ATRNL1: variants seen among roughly 807,000 people sequenced by gnomAD.
ATRNL1 encodes attractin-like protein 1.
A neutral mutation model predicts 182.7 loss-of-function variants in ATRNL1; 95 were observed. That is an observed-to-expected ratio of 0.52 (90% confidence interval 0.44 to 0.62). The LOEUF is 0.62. Among genes scored for constraint, ATRNL1 ranks in the 20% least tolerant of loss-of-function variants. The pLI, the probability that ATRNL1 is intolerant of heterozygous loss-of-function variation, is 0.00. For missense variants in ATRNL1, 1,471 were observed against 1,679.5 expected (o/e 0.88, Z 2.17); for synonymous variants, 576 against 568.3 (o/e 1.01, Z -0.19).
chr10:115,409,367 G>T (rs1845019529), intron 20 of ATRNL1, among the ~76,000 whole-genome samples: 1 of 151,910 alleles, frequency 6.6e-6, no homozygotes, highest in African/African-American at 2.4e-5. Flanking sequence ...CAGCTACTTT[G>T]TTGTTTGTAT....
At chr10:115,157,262 A>C (rs535416621) in intron 5 of ATRNL1, among the ~76,000 whole-genome samples, 50 of 152,178 alleles carry the variant, frequency 3.3e-4, no homozygotes, top group Non-Finnish European at 6.2e-4. Context: ...TCTTGCTTAG[A>C]TGTCCTTAAG....
chr10:115,149,527 G>A (rs782146584), intron 5 of ATRNL1, among the ~76,000 whole-genome samples: 3 of 151,960 alleles, frequency 2.0e-5, no homozygotes, highest in Admixed American at 6.6e-5. Context: ...TGCTTAGTTT[G>A]TTGAGAGTTT....
At chr10:115,411,036 T>C (rs1845114456) in intron 20 of ATRNL1, among the ~76,000 whole-genome samples, 1 of 152,140 alleles carries the variant, frequency 6.6e-6, no homozygotes, top group Non-Finnish European at 1.5e-5. Flanking sequence ...ATGCTTGGCC[T>C]ACCCCTTCAT....
intron 5 of ATRNL1, among the ~76,000 whole-genome samples, chr10:115,139,405 A>G (rs1845663622): frequency 6.6e-6 from 1 of 152,220 alleles, no homozygotes; most frequent in African/African-American, 2.4e-5. Context: ...CAAAACAAAG[A>G]GATTTAATGG....
chr10:115,519,442 T>A lies in ATRNL1; in HGVS notation c.3716+118T>A, dbSNP rs566007555. 3.8e-6 allele frequency: 3 copies of A among 791,006 alleles called. No homozygotes were observed. The Admixed American group carries it at 8.1e-5, about 21-fold the overall frequency. The allele number at this position is 791,006 out of a possible 1,614,324, so 49.0% of individuals were successfully genotyped here. A position where few individuals can be genotyped will look rare whatever the true frequency, so the allele number is the denominator to read the frequency against. On this transcript the variant is annotated intron_variant, in intron 25 of 28. Transcript: ENST00000355044. ...CCTTAAAGTATCATAGAGTATGTCT[T>A]GAATAGCTTTATATGCTTAAATATA...
At chr10:115,385,219 T>C (rs1416058956) in intron 19 of ATRNL1, among the ~76,000 whole-genome samples, 1 of 152,142 alleles carries the variant, frequency 6.6e-6, no homozygotes, top group Non-Finnish European at 1.5e-5. Context: ...TTTAGTGTCG[T>C]CAACCTTTTT....
At chr10:115,202,844 TG>T (rs1848640462) in intron 8 of ATRNL1, among the ~76,000 whole-genome samples, 1 of 147,758 alleles carries the variant, frequency 6.8e-6, no homozygotes, top group South Asian at 2.2e-4. Flanking sequence ...AGAATTCGGC[TG>T]TGAATCCATC....
At chr10:115,254,446 G>A (rs570304764) in intron 10 of ATRNL1, among the ~76,000 whole-genome samples, 1 of 152,298 alleles carries the variant, frequency 6.6e-6, no homozygotes, top group South Asian at 2.1e-4. Flanking sequence ...TTTGAGAAGT[G>A]TCTGTTCATG....
At chr10:115,551,911 CAG>C (rs1179175941) in intron 26 of ATRNL1, among the ~76,000 whole-genome samples, 2 of 150,884 alleles carry the variant, frequency 1.3e-5, no homozygotes, top group African/African-American at 2.4e-5. Flanking sequence ...TGGGAAGTGA[CAG>C]AGAGAGAGAG....
intron 10 of ATRNL1, among the ~76,000 whole-genome samples, chr10:115,253,881 T>C (rs1420027338): frequency 6.6e-6 from 1 of 152,014 alleles, no homozygotes; most frequent in Non-Finnish European, 1.5e-5. Flanking sequence ...TGAGAACATA[T>C]GGTGTTTGGT....
chr10:115,406,875 C>T (rs187189962), intron 20 of ATRNL1, among the ~76,000 whole-genome samples: 8 of 152,118 alleles, frequency 5.3e-5, no homozygotes, highest in African/African-American at 1.7e-4. Flanking sequence ...CCAGTATATC[C>T]ATCTTTTCCC....
At chr10:115,205,333 C>T (rs561163224) in intron 8 of ATRNL1, among the ~76,000 whole-genome samples, 9 of 151,620 alleles carry the variant, frequency 5.9e-5, no homozygotes, top group East Asian at 3.9e-4. Flanking sequence ...CAGTTTTAGA[C>T]GATTTATATT....
intron 19 of ATRNL1, among the ~76,000 whole-genome samples, chr10:115,344,228 C>G (rs1855877360): frequency 6.6e-6 from 1 of 152,110 alleles, no homozygotes; most frequent in African/African-American, 2.4e-5. Context: ...GACGAGTTCC[C>G]TCAGGCCCCT....
intron 24 of ATRNL1, among the ~76,000 whole-genome samples, chr10:115,490,804 A>T (rs1293734458): frequency 6.6e-6 from 1 of 151,940 alleles, no homozygotes; most frequent in East Asian, 1.9e-4. Flanking sequence ...GGAGGAGAAG[A>T]GGTGTTCTGT....
intron 28 of ATRNL1, among the ~76,000 whole-genome samples, chr10:115,866,673 A>C (rs1278708580): frequency 6.6e-6 from 1 of 152,210 alleles, no homozygotes; most frequent in Non-Finnish European, 1.5e-5. Context: ...TAAATACAGC[A>C]TAGAAAACTA....
At chr10:115,642,569 T>C (rs1592995695) in intron 26 of ATRNL1, among the ~76,000 whole-genome samples, 1 of 151,770 alleles carries the variant, frequency 6.6e-6, no homozygotes, top group African/African-American at 2.4e-5. Context: ...TAAGCCTCCC[T>C]AGTAGTTGGG....
At chr10:115,625,069 G>C (rs1169660569) in intron 26 of ATRNL1, among the ~76,000 whole-genome samples, 1 of 151,980 alleles carries the variant, frequency 6.6e-6, no homozygotes, top group African/African-American at 2.4e-5. Context: ...GTGTAGACTG[G>C]CAGAAACAAA....
chr10:115,499,521 T>TA (rs1428935379), intron 24 of ATRNL1, among the ~76,000 whole-genome samples: 2 of 152,198 alleles, frequency 1.3e-5, no homozygotes. Flanking sequence ...TGATGACATG[T>TA]GCCCAAGGTG....
intron 1 of ATRNL1, among the ~76,000 whole-genome samples, chr10:115,112,149 T>A (rs1844284651): frequency 1.3e-5 from 2 of 152,064 alleles, no homozygotes; most frequent in Admixed American, 1.3e-4. Flanking sequence ...TGAAAGAAAT[T>A]GAAGGTGACA....
Sources: gnomAD v4.1 joint callset for allele counts (sites outside exome capture counted in the v4.1 genomes callset) on GRCh38, gnomAD v4.1.1 for gene constraint, MANE v1.5 for transcripts, NCBI Gene and HGNC (gene_info 2026-07-23, HGNC 2026-07-21) for gene names.